The following PLCH1 variants were observed in gnomAD, a reference collection of about 807,000 sequenced individuals.
PLCH1 encodes the protein 1-phosphatidylinositol 4,5-bisphosphate phosphodiesterase eta-1.
PLCH1 carries 60 observed loss-of-function variants against 126.7 expected under a neutral mutation model. The observed-to-expected ratio is 0.47, with a 90% CI of 0.38 to 0.59. The LOEUF (loss-of-function observed/expected upper bound fraction) is 0.59. Ranked by LOEUF, PLCH1 falls within the 20% of genes least tolerant of loss-of-function variation. The probability of loss-of-function intolerance (pLI) is 0.00; values close to 1 mark genes in which losing one functional copy is unlikely to be tolerated. For missense variants in PLCH1, 1,723 were observed against 2,040.0 expected, an observed-to-expected ratio of 0.84 and a Z score of 2.99; for synonymous variants, 719 against 734.9, an observed-to-expected ratio of 0.98 and a Z score of 0.35.
chr3:155,590,060 G>A (rs1731910481), intron 4 of PLCH1, among the ~76,000 whole-genome samples: 1 of 152,202 alleles, frequency 6.6e-6, no homozygotes, highest in Non-Finnish European at 1.5e-5. Context: ...GTAAGTATGA[G>A]TACTGCATCA....
At chr3:155,661,652 G>GA (rs1224250881) in intron 2 of PLCH1, among the ~76,000 whole-genome samples, 2 of 151,998 alleles carry the variant, frequency 1.3e-5, no homozygotes, top group Admixed American at 1.3e-4. Flanking sequence ...TAAAGAAGGG[G>GA]AAAAAAAGTG....
intron 2 of PLCH1, among the ~76,000 whole-genome samples, chr3:155,681,803 T>G (rs578107825): frequency 2.0e-5 from 3 of 152,336 alleles, no homozygotes; most frequent in African/African-American, 7.2e-5. Context: ...CCCAAGTGGA[T>G]GGTCCAGGAA....
chr3:155,451,522 C>CCCA (rs1363332094), intron 21 of PLCH1, among the ~76,000 whole-genome samples: 6 of 152,116 alleles, frequency 3.9e-5, no homozygotes, highest in Non-Finnish European at 8.8e-5. Context: ...CTAAACATTA[C>CCCA]TTATGGGAAT....
At chr3:155,524,240 T>C (rs1274015542) in intron 10 of PLCH1, among the ~76,000 whole-genome samples, 1 of 152,220 alleles carries the variant, frequency 6.6e-6, no homozygotes, top group Non-Finnish European at 1.5e-5. Flanking sequence ...GTGTATTGTA[T>C]GATTCCATTT....
intron 2 of PLCH1, among the ~76,000 whole-genome samples, chr3:155,673,870 T>A (rs374218213): frequency 5.3e-5 from 8 of 152,194 alleles, no homozygotes; most frequent in Non-Finnish European, 1.2e-4. Flanking sequence ...TAGGTCAAAG[T>A]GTATTTACTG....
At chr3:155,699,849 C>CACACA (rs1553760147) in intron 2 of PLCH1, among the ~76,000 whole-genome samples, 2 of 145,508 alleles carry the variant, frequency 1.4e-5, no homozygotes, top group Non-Finnish European at 3.0e-5. Context: ...CACACACACA[C>CACACA]CACTACCTCT....
At chr3:155,515,188 G>A (rs1720149536) in intron 11 of PLCH1, among the ~76,000 whole-genome samples, 1 of 152,162 alleles carries the variant, frequency 6.6e-6, no homozygotes, top group African/African-American at 2.4e-5. Context: ...CTGATGCTTA[G>A]AGAGAAATCA....
At chr3:155,567,401 C>T (rs1728666525) in intron 7 of PLCH1, among the ~76,000 whole-genome samples, 1 of 152,110 alleles carries the variant, frequency 6.6e-6, no homozygotes, top group African/African-American at 2.4e-5. Flanking sequence ...TATTCCTCTT[C>T]ACTTTAATTA....
intron 9 of PLCH1, among the ~76,000 whole-genome samples, chr3:155,551,977 C>A (rs1393544863): frequency 1.3e-5 from 2 of 152,184 alleles, no homozygotes; most frequent in Non-Finnish European, 2.9e-5. Flanking sequence ...AATTACTTCA[C>A]CCATTTGGCT....
At chr3:155,526,198 G>A (rs2108304576) in intron 10 of PLCH1, among the ~76,000 whole-genome samples, 1 of 152,226 alleles carries the variant, frequency 6.6e-6, no homozygotes, top group East Asian at 1.9e-4. Flanking sequence ...TCCTGTCTCA[G>A]TATTCACACC....
At chr3:155,503,265 C>G (rs996999159) in intron 13 of PLCH1, among the ~76,000 whole-genome samples, 1 of 152,098 alleles carries the variant, frequency 6.6e-6, no homozygotes, top group African/African-American at 2.4e-5. Flanking sequence ...ATTCTGATGT[C>G]TACTCTATAG....
intron 2 of PLCH1, among the ~76,000 whole-genome samples, chr3:155,607,452 G>GC (rs1553853770): frequency 6.6e-6 from 1 of 150,574 alleles, no homozygotes; most frequent in African/African-American, 2.4e-5. Flanking sequence ...ATGTTTATTT[G>GC]TTTTTTTTTC....
chr3:155,568,221 G>A lies in PLCH1; in HGVS notation c.865+10C>T, dbSNP rs1728762432. 8.7e-7 allele frequency: 1 copy of A among 1,155,790 alleles called. No individual in the cohort carries two copies. The highest frequency in any genetic ancestry group is 1.3e-6 in the Non-Finnish European group (1 of 773,820). 71.6% of individuals were successfully genotyped at this position (1,155,790 alleles called of 1,614,324 possible). A position where few individuals can be genotyped will look rare whatever the true frequency, so the allele number is the denominator to read the frequency against. On this transcript the variant is annotated intron_variant, in intron 7 of 22. Transcript: ENST00000460012. The stretch of plus-strand genomic sequence containing the variant: ...AAGAAATGAGAAATAAAGAATATTG[G>A]TTATTTTACCTTCTATGCCAAGAAC...
At chr3:155,570,986 A>C (rs1397993896) in intron 6 of PLCH1, among the ~76,000 whole-genome samples, 1 of 152,172 alleles carries the variant, frequency 6.6e-6, no homozygotes, top group African/African-American at 2.4e-5. Context: ...CCAGAAGAGA[A>C]AAGACTCACT....
intron 2 of PLCH1, among the ~76,000 whole-genome samples, chr3:155,626,877 C>A (rs1321757840): frequency 6.8e-6 from 1 of 147,432 alleles, no homozygotes; most frequent in Non-Finnish European, 1.5e-5. Context: ...GAGAACATAT[C>A]TACAAGAATA....
intron 6 of PLCH1, among the ~76,000 whole-genome samples, chr3:155,577,915 G>A (rs889494379): frequency 6.6e-6 from 1 of 152,150 alleles, no homozygotes; most frequent in Non-Finnish European, 1.5e-5. Flanking sequence ...TTGGGCAAAG[G>A]ACTTTCCTGT....
chr3:155,528,128 G>A (rs1327713358), intron 10 of PLCH1, among the ~76,000 whole-genome samples: 1 of 151,650 alleles, frequency 6.6e-6, no homozygotes, highest in Non-Finnish European at 1.5e-5. Flanking sequence ...GGAGGCTGAG[G>A]CAGGAGAATT....
chr3:155,509,086 A>G lies in PLCH1; in HGVS notation c.1633-4460T>C, dbSNP rs1375304624. ...CTTCTTCCTGTTTTAGTCTTGGGAG[A>G]GTGTATGTGTCGAGGAATGTATCCA... On this transcript the variant is annotated intron_variant, in intron 12 of 22. Coordinates refer to ENST00000460012, the MANE Select transcript of PLCH1 (RefSeq NM_014996.4). 1.3e-4 allele frequency among the ~76,000 whole-genome samples: 18 copies of G among 139,096 alleles called. 3 individuals are homozygous for G. The highest frequency in any genetic ancestry group is 7.0e-3 in the Middle Eastern group (2 of 286). The allele number at this position is 139,096 out of a possible 152,430, so 91.3% of individuals were successfully genotyped here.
intron 2 of PLCH1, among the ~76,000 whole-genome samples, chr3:155,630,300 A>T (rs1399098983): frequency 6.6e-6 from 1 of 152,270 alleles, no homozygotes; most frequent in African/African-American, 2.4e-5. Flanking sequence ...TTTAAAGCTA[A>T]GATCTGATGA....
Sources: allele counts gnomAD v4.1 joint callset (sites outside exome capture counted in the v4.1 genomes callset), GRCh38; gene constraint gnomAD v4.1.1; transcripts MANE v1.5; gene names NCBI Gene and HGNC (gene_info 2026-07-23, HGNC 2026-07-21).